The following PI4KA variants were observed in gnomAD, a reference collection of about 807,000 sequenced individuals.
PI4KA encodes PI4-kinase alpha.
In PI4KA, 122 loss-of-function variants were observed where a neutral mutation model predicts 271.4. That is an observed-to-expected ratio of 0.45 (90% CI 0.39 to 0.52). The LOEUF (loss-of-function observed/expected upper bound fraction) is 0.52. Among genes scored for constraint, PI4KA ranks in the 20% least tolerant of loss-of-function variants. PI4KA has a pLI of 0.00. For missense variants in PI4KA, 1,969 were observed against 2,769.1 expected, an observed-to-expected ratio of 0.71 and a Z score of 6.48; for synonymous variants, 1,041 against 1,078.8, an observed-to-expected ratio of 0.96 and a Z score of 0.69.
At chr22:20,793,363 T>C (rs1934772652) in intron 18 of PI4KA, 120 bp from the exon 19 acceptor site, 1 of 632,590 alleles carries the variant, frequency 1.6e-6, no homozygotes, top group South Asian at 1.9e-5. Context: ...AGAGAAATGA[T>C]GAGAGATATG....
intron 1 of PI4KA, among the ~76,000 whole-genome samples, chr22:20,853,975 GA>G (rs361978): frequency 0.5 from 72,474 of 145,062 alleles, 18,029 homozygotes; most frequent in East Asian, 0.59. Flanking sequence ...AAAGGAAAGA[GA>G]AAAAAAAAAA....
At chr22:20,756,777 C>T (rs1601417634) in intron 23 of PI4KA, among the ~76,000 whole-genome samples, 1 of 152,084 alleles carries the variant, frequency 6.6e-6, no homozygotes, top group African/African-American at 2.4e-5. Context: ...ATTACAGTCA[C>T]CTGCCATCAC....
chr22:20,844,996 A>C lies in PI4KA; in HGVS notation c.157-6265T>G, dbSNP rs149506237. Among the ~76,000 whole-genome samples, 8 of 152,316 alleles carry C rather than the reference A, an allele frequency of 5.3e-5. No individual in the cohort carries two copies. The East Asian group carries it at 9.6e-4, about 18-fold the overall frequency. On this transcript the variant is annotated intron_variant, in intron 1 of 54. Transcript: ENST00000255882. The stretch of plus-strand genomic sequence containing the variant: ...TCTTAGGGGGAGTGGGTCATTATAA[A>C]AAGTCATTAAGCCCAAAATCTGACC...
chr22:20,819,121 G>A lies in PI4KA; in HGVS notation c.789+520C>T, dbSNP rs372624294. Reference sequence around the variant, plus strand: ...AATCACTTAGATTTAAGAAGCAGATGTTTAGGGCGAAACGGTGAAAGGGAG... The same window carrying A: ...AATCACTTAGATTTAAGAAGCAGATATTTAGGGCGAAACGGTGAAAGGGAG... On this transcript the variant is annotated intron_variant, in intron 6 of 54. Transcript: ENST00000255882. 2.4e-4 allele frequency among the ~76,000 whole-genome samples: 36 copies of A among 152,314 alleles called. No individual in the cohort carries two copies. In the East Asian group the frequency reaches 6.0e-3, roughly 25 times the overall value.
intron 22 of PI4KA, among the ~76,000 whole-genome samples, chr22:20,762,013 T>C (rs1932017636): frequency 6.6e-6 from 1 of 152,254 alleles, no homozygotes; most frequent in Non-Finnish European, 1.5e-5. Context: ...TCATCTTTAG[T>C]ATCTTCTGTA....
chr22:20,718,833 A>G lies in PI4KA; in HGVS notation c.5117-11T>C, dbSNP rs1418592467. ...GGTCGCCGATGTCAGCTGCCAAGGAAGCAAAGAGGCTTAAGTCTCTGTGGC... is the reference window on the plus strand; with the variant it reads ...GGTCGCCGATGTCAGCTGCCAAGGAGGCAAAGAGGCTTAAGTCTCTGTGGC... On this transcript the variant is annotated splice_polypyrimidine_tract_variant and intron_variant, in intron 43 of 54. Transcript: ENST00000255882. 1 of 1,613,370 alleles carries G rather than the reference A, an allele frequency of 6.2e-7. No individual in the cohort carries two copies. The highest frequency in any genetic ancestry group is 8.5e-7 in the Non-Finnish European group (1 of 1,179,890).
chr22:20,717,062 G>A (rs575670646), intron 45 of PI4KA, among the ~76,000 whole-genome samples: 4 of 152,260 alleles, frequency 2.6e-5, no homozygotes, highest in South Asian at 2.1e-4. Context: ...TGGCTAACAC[G>A]GTGAAACTCT....
rs759866280 is a variant in PI4KA, at chr22:20,729,512, A to G, written c.4489-6T>C. On this transcript the variant is annotated splice_polypyrimidine_tract_variant and splice_region_variant and intron_variant, in intron 38 of 54. Coordinates refer to ENST00000255882, the MANE Select transcript of PI4KA (RefSeq NM_058004.4). ...AGACGCTCGATCTCAGTGGCCTGGCAAGATAAGACATAAGGCCTGATATGC... is the reference window on the plus strand; with the variant it reads ...AGACGCTCGATCTCAGTGGCCTGGCGAGATAAGACATAAGGCCTGATATGC... 1.9e-6 allele frequency: 3 copies of G among 1,578,786 alleles called. No individual in the cohort carries two copies. The highest frequency in any genetic ancestry group is 2.6e-6 in the Non-Finnish European group (3 of 1,161,218).
chr22:20,828,647 C>T (rs536825085), intron 3 of PI4KA, among the ~76,000 whole-genome samples: 4 of 151,892 alleles, frequency 2.6e-5, no homozygotes, highest in Non-Finnish European at 4.4e-5. Context: ...CTCTGCCTCC[C>T]GGGTTCAAGC....
intron 1 of PI4KA, among the ~76,000 whole-genome samples, chr22:20,844,873 C>A (rs764167414): frequency 6.6e-6 from 1 of 152,080 alleles, no homozygotes; most frequent in African/African-American, 2.4e-5. Context: ...AAAGCATTAA[C>A]CCTCTAGTCT....
chr22:20,850,613 A>G (rs1926845338), intron 1 of PI4KA, among the ~76,000 whole-genome samples: 1 of 151,396 alleles, frequency 6.6e-6, no homozygotes, highest in Admixed American at 6.6e-5. Flanking sequence ...AATTTTTTGT[A>G]TTTTTAGTAG....
intron 42 of PI4KA, among the ~76,000 whole-genome samples, chr22:20,722,191 G>C (rs1315374012): frequency 2.0e-5 from 3 of 151,932 alleles, no homozygotes; most frequent in African/African-American, 4.8e-5. Context: ...TTTTTTGTTT[G>C]TTTGTTTGTT....
Position 20,813,385 on chromosome 22 carries a change from CAATGG to C in PI4KA, c.973_977del (p.Pro325GlyfsTer15), listed in dbSNP as rs1921321855. 8 of 1,613,664 alleles carry C rather than the reference CAATGG, an allele frequency of 5.0e-6. No individual in the cohort carries two copies. Among genetic ancestry groups the C allele is most frequent in the Non-Finnish European group, 6.8e-6 (8 of 1,179,612 alleles). Reference sequence around the variant, plus strand: ...GGTTTAAGAGTTCCCGAAGCATTTCCAATGGAATGTTAAACTCCTTATATGTGACA... The same window carrying C: ...GGTTTAAGAGTTCCCGAAGCATTTCCAATGTTAAACTCCTTATATGTGACA... On this transcript the variant is annotated frameshift_variant, in exon 8 of 55. Transcript: ENST00000255882. LOFTEE classifies it high-confidence loss of function.
intron 28 of PI4KA, among the ~76,000 whole-genome samples, chr22:20,749,186 G>A (rs935193243): frequency 6.6e-6 from 1 of 152,184 alleles, no homozygotes; most frequent in African/African-American, 2.4e-5. Flanking sequence ...AGGGCTCTTG[G>A]AGCTGGCTGC....
chr22:20,842,062 A>G (rs559907392), intron 1 of PI4KA, among the ~76,000 whole-genome samples: 11 of 152,082 alleles, frequency 7.2e-5, no homozygotes, highest in Non-Finnish European at 1.5e-4. Context: ...CTAAAAATAC[A>G]AAAATTAGCC....
intron 22 of PI4KA, among the ~76,000 whole-genome samples, chr22:20,761,656 A>G (rs1241380172): frequency 1.3e-5 from 2 of 152,234 alleles, no homozygotes; most frequent in Non-Finnish European, 2.9e-5. Context: ...ATTATCCAAA[A>G]TGGAAAGACT....
At chr22:20,793,840 A>G (rs899494010) in intron 18 of PI4KA, among the ~76,000 whole-genome samples, 2 of 152,266 alleles carry the variant, frequency 1.3e-5, no homozygotes, top group Non-Finnish European at 2.9e-5. Flanking sequence ...AAATGTAGCT[A>G]ATCTTCAGTA....
At chr22:20,727,952 A>G in intron 39 of PI4KA, 88 bp from the exon 40 acceptor site, 1 of 904,664 alleles carries the variant, frequency 1.1e-6, no homozygotes, top group Non-Finnish European at 1.8e-6. Context: ...GCCAGGGGGA[A>G]ACACTGAACT....
chr22:20,815,077 A>G (rs556792118), intron 7 of PI4KA, among the ~76,000 whole-genome samples: 2 of 152,208 alleles, frequency 1.3e-5, no homozygotes, highest in Admixed American at 6.5e-5. Context: ...TCCATTATTT[A>G]GAAACTATAA....
Sources: allele counts gnomAD v4.1 joint callset (sites outside exome capture counted in the v4.1 genomes callset), GRCh38; gene constraint gnomAD v4.1.1; transcripts MANE v1.5; gene names NCBI Gene and HGNC (gene_info 2026-07-23, HGNC 2026-07-21).